SEPTIN7: variants seen among roughly 807,000 people sequenced by gnomAD.
SEPTIN7 encodes the protein septin 7, also known as septin-7.
A neutral mutation model predicts 63.3 loss-of-function variants in SEPTIN7; 10 were observed. That is an observed-to-expected ratio of 0.16 (90% CI 0.10 to 0.27). The LOEUF is 0.27. Among genes scored for constraint, SEPTIN7 ranks in the 10% least tolerant of loss-of-function variants. The probability of loss-of-function intolerance (pLI) is 1.00; values close to 1 mark genes in which losing one functional copy is unlikely to be tolerated. For missense variants in SEPTIN7, 310 were observed against 521.0 expected (o/e 0.59, Z 3.94); for synonymous variants, 131 against 165.3 (o/e 0.79, Z 1.59).
chr7:35,816,017 AAGG>A (rs1388691435), intron 1 of SEPTIN7, among the ~76,000 whole-genome samples: 4 of 152,194 alleles, frequency 2.6e-5, no homozygotes, highest in Non-Finnish European at 4.4e-5. Flanking sequence ...ATGTGTGAGA[AAGG>A]AGATATAACA....
intron 10 of SEPTIN7, among the ~76,000 whole-genome samples, chr7:35,887,867 TAATA>T (rs1787363002): frequency 6.6e-6 from 1 of 152,234 alleles, no homozygotes; most frequent in African/African-American, 2.4e-5. Flanking sequence ...AGTGGATATT[TAATA>T]AATACTTGAA....
At chr7:35,823,717 G>C (rs1783351606) in intron 1 of SEPTIN7, among the ~76,000 whole-genome samples, 1 of 152,198 alleles carries the variant, frequency 6.6e-6, no homozygotes, top group Admixed American at 6.5e-5. Flanking sequence ...TGGCTTCAGG[G>C]ATACAGTCAA....
intron 7 of SEPTIN7, among the ~76,000 whole-genome samples, chr7:35,881,603 G>T (rs1786884194): frequency 6.7e-6 from 1 of 149,980 alleles, no homozygotes; most frequent in African/African-American, 2.5e-5. Flanking sequence ...GTCTACTATA[G>T]TAACCATGTA....
At chr7:35,894,677 G>C (rs905144977) in intron 11 of SEPTIN7, among the ~76,000 whole-genome samples, 6 of 152,150 alleles carry the variant, frequency 3.9e-5, no homozygotes, top group African/African-American at 1.4e-4. Context: ...ATTGAACTTT[G>C]AAATTATTTA....
At chr7:35,883,539 C>T (rs1026242075) in intron 8 of SEPTIN7, among the ~76,000 whole-genome samples, 11 of 144,112 alleles carry the variant, frequency 7.6e-5, no homozygotes, top group Admixed American at 2.1e-4. Flanking sequence ...TAGTCATTAG[C>T]CCCCCGCTTT....
At chr7:35,811,113 G>A (rs943305988) in intron 1 of SEPTIN7, among the ~76,000 whole-genome samples, 2 of 152,034 alleles carry the variant, frequency 1.3e-5, no homozygotes, top group African/African-American at 4.8e-5. Flanking sequence ...TTGTCCTTCA[G>A]TTTTAGAGAA....
intron 3 of SEPTIN7, among the ~76,000 whole-genome samples, chr7:35,850,425 T>TCCCC (rs906592973): frequency 1.3e-5 from 2 of 152,200 alleles, no homozygotes; most frequent in Non-Finnish European, 2.9e-5. Context: ...CACAGTGTGA[T>TCCCC]CACCAGCTCC....
intron 11 of SEPTIN7, among the ~76,000 whole-genome samples, chr7:35,894,622 C>T (rs1057156791): frequency 9.2e-5 from 14 of 152,100 alleles, no homozygotes; most frequent in Non-Finnish European, 1.9e-4. Flanking sequence ...CATGGCAAAA[C>T]AAAATGTTGG....
In SEPTIN7 at chr7:35,815,935, C is replaced by T. The variant is rs913868294; in HGVS notation, c.61+14665C>T. ...TTTTTTCTACCACTTTCCCACACAT[C>T]GATAGAGGTAATGGATCTCATCAGT... On this transcript the variant is annotated intron_variant, in intron 1 of 13. Coordinates refer to ENST00000350320, the MANE Select transcript of SEPTIN7 (RefSeq NM_001788.6). Among the ~76,000 whole-genome samples the T allele has an allele frequency of 8.6e-5, 13 of 151,880 alleles. 1 individual carries two copies. In the South Asian group the frequency reaches 2.5e-3, roughly 29 times the overall value.
chr7:35,873,662 C>T lies in SEPTIN7; in HGVS notation c.399C>T (p.Tyr133=), dbSNP rs1167750460. ...NSNCWQPVID[Y]IDSKFEDYLN... ...ATAGCTGGCAGCCTGTTATCGACTA[C>T]ATTGATAGTAAATTTGAGGACTACC... The change falls in exon 6 of 14, where the codon TAC becomes TAT. Residue 133 remains tyrosine, a synonymous_variant. Transcript: ENST00000350320. 2 of 1,610,122 alleles carry T rather than the reference C, an allele frequency of 1.2e-6. No homozygotes were observed. The highest frequency in any genetic ancestry group is 1.3e-5 in the African/African-American group (1 of 74,908).
intron 3 of SEPTIN7, among the ~76,000 whole-genome samples, chr7:35,854,497 A>G (rs73695007): frequency 2.6e-3 from 391 of 152,332 alleles, no homozygotes; most frequent in African/African-American, 8.4e-3. Context: ...TCAATGAACA[A>G]GGCACTCCTC....
intron 3 of SEPTIN7, among the ~76,000 whole-genome samples, chr7:35,862,989 A>C (rs74321122): frequency 0.047 from 7,109 of 152,144 alleles, 250 homozygotes; most frequent in South Asian, 0.18. Flanking sequence ...TATAAAAAGT[A>C]ATTACCTAAG....
chr7:35,874,231 A>G lies in SEPTIN7; in HGVS notation c.512+456A>G, dbSNP rs985412790. The G allele has an allele frequency of 3.2e-5, 5 of 157,106 alleles. No individual in the cohort carries two copies. In the Admixed American group the frequency reaches 3.3e-4, roughly 10 times the overall value. 9.7% of individuals were successfully genotyped at this position (157,106 alleles called of 1,614,324 possible). A position where few individuals can be genotyped will look rare whatever the true frequency, so the allele number is the denominator to read the frequency against. The stretch of plus-strand genomic sequence containing the variant: ...TTCTTGTGCCATTTCTTTCTACAAT[A>G]AATCTATTTGGCTTCTGTTTCACCT... On this transcript the variant is annotated intron_variant, in intron 6 of 13. Transcript: ENST00000350320.
At chr7:35,803,125 T>C (rs1788106763) in intron 1 of SEPTIN7, 1 of 953,858 alleles carries the variant, frequency 1.0e-6, no homozygotes, top group Non-Finnish European at 1.2e-6. Flanking sequence ...AGAAAGGATA[T>C]TGTCTTTTTC....
intron 1 of SEPTIN7, among the ~76,000 whole-genome samples, chr7:35,803,456 G>T (rs984725430): frequency 2.0e-5 from 3 of 152,284 alleles, no homozygotes; most frequent in Non-Finnish European, 2.9e-5. Context: ...CTCAGTAATG[G>T]AGAGTGATCA....
At chr7:35,839,603 G>A (rs548991368) in intron 3 of SEPTIN7, among the ~76,000 whole-genome samples, 2 of 152,112 alleles carry the variant, frequency 1.3e-5, no homozygotes, top group African/African-American at 4.8e-5. Flanking sequence ...GACCAGGCTG[G>A]AGTACAGTGC....
chr7:35,805,671 T>C (rs986848664), intron 1 of SEPTIN7, among the ~76,000 whole-genome samples: 2 of 152,210 alleles, frequency 1.3e-5, no homozygotes, highest in Non-Finnish European at 2.9e-5. Flanking sequence ...TCCCCTGTGA[T>C]TGGGGGGATA....
At chr7:35,830,468 C>A (rs1583523091) in intron 1 of SEPTIN7, among the ~76,000 whole-genome samples, 1 of 152,100 alleles carries the variant, frequency 6.6e-6, no homozygotes, top group Non-Finnish European at 1.5e-5. Context: ...TGTAATTGAT[C>A]TGGAGGTGCA....
intron 10 of SEPTIN7, among the ~76,000 whole-genome samples, chr7:35,889,568 G>C (rs1028233106): frequency 3.3e-5 from 5 of 151,814 alleles, no homozygotes; most frequent in Non-Finnish European, 5.9e-5. Context: ...TTTTTAAGAC[G>C]GTCTCTTGCT....
Sources: allele counts gnomAD v4.1 joint callset (sites outside exome capture counted in the v4.1 genomes callset), GRCh38; gene constraint gnomAD v4.1.1; transcripts MANE v1.5; gene names NCBI Gene and HGNC (gene_info 2026-07-23, HGNC 2026-07-21).